Variants in GTSF1 observed in about 807,000 individuals in gnomAD.
GTSF1 encodes the protein gametocyte specific factor 1.
A neutral mutation model predicts 28.9 loss-of-function variants in GTSF1; 11 were observed. The observed-to-expected ratio is 0.38, with a 90% CI of 0.24 to 0.63. GTSF1 has a LOEUF of 0.63. Ranked by LOEUF, GTSF1 falls within the 30% of genes least tolerant of loss-of-function variation. GTSF1 has a pLI of 0.56. For missense variants in GTSF1, 146 were observed against 201.0 expected, an observed-to-expected ratio of 0.73 and a Z score of 1.66; for synonymous variants, 69 against 65.6, an observed-to-expected ratio of 1.05 and a Z score of -0.25.
At chr12:54,472,293 C>T (rs953579367) in intron 1 of GTSF1, 2 of 152,162 alleles carry the variant, frequency 1.3e-5, no homozygotes, top group Non-Finnish European at 2.9e-5. Context: ...AACATTGTCC[C>T]TTTTTCTAGT....
rs1956520453 is a variant in GTSF1, at chr12:54,466,814, A to G, written c.17-1647T>C. ...TTAAAAAAATTTTTTTGATTTAAAA[A>G]TCTTTTTTTTTTTTTTTTTTTGACA... On this transcript the variant is annotated intron_variant, in intron 2 of 8. Coordinates refer to ENST00000305879, the MANE Select transcript of GTSF1 (RefSeq NM_144594.3). The G allele has an allele frequency of 1.6e-4, 15 of 94,388 alleles. 1 individual carries two copies. Among genetic ancestry groups the G allele is most frequent in the Non-Finnish European group, 4.1e-5 (2 of 48,316 alleles). 5.8% of individuals were successfully genotyped at this position (94,388 alleles called of 1,614,324 possible). A position where few individuals can be genotyped will look rare whatever the true frequency, so the allele number is the denominator to read the frequency against.
intron 3 of GTSF1, 75 bp from the exon 4 acceptor site, chr12:54,463,372 T>A: frequency 7.1e-7 from 1 of 1,404,436 alleles, no homozygotes; most frequent in Non-Finnish European, 9.9e-7. Flanking sequence ...TAAGCCTTAT[T>A]CTACAAATGC....
At chr12:54,465,280 G>C in intron 2 of GTSF1, 113 bp from the exon 3 acceptor site, 1 of 547,920 alleles carries the variant, frequency 1.8e-6, no homozygotes, top group East Asian at 3.0e-5. Flanking sequence ...GAACAATATA[G>C]TCTAAAGAAA....
intron 2 of GTSF1, among the ~76,000 whole-genome samples, chr12:54,467,790 T>C (rs933367266): frequency 6.6e-6 from 1 of 152,124 alleles, no homozygotes; most frequent in Admixed American, 6.6e-5. Flanking sequence ...GTTTTTTTTT[T>C]TGAGATGGAG....
At chr12:54,464,030 T>A (rs1956468592) in intron 3 of GTSF1, among the ~76,000 whole-genome samples, 1 of 152,148 alleles carries the variant, frequency 6.6e-6, no homozygotes, top group South Asian at 2.1e-4. Flanking sequence ...AAAAAAGATA[T>A]GTCATAAATG....
chr12:54,473,595 C>T lies in GTSF1; in HGVS notation c.-79G>A, dbSNP rs1160950480. Reference sequence around the variant, plus strand: ...CAGTCACCTTCCTCCCACGCAAGCCCCAGCAACGGCCACTTCCGGCGCCTA... The same window carrying T: ...CAGTCACCTTCCTCCCACGCAAGCCTCAGCAACGGCCACTTCCGGCGCCTA... On this transcript the variant is annotated 5_prime_UTR_variant, in exon 1 of 9. Transcript: ENST00000305879. 1.3e-5 allele frequency: 2 copies of T among 152,282 alleles called. No homozygotes were observed. Among genetic ancestry groups the T allele is most frequent in the East Asian group, 1.9e-4 (1 of 5,186 alleles). The allele number at this position is 152,282 out of a possible 1,614,324, so 9.4% of individuals were successfully genotyped here.
intron 1 of GTSF1, 128 bp from the exon 2 acceptor site, chr12:54,471,405 A>C: frequency 2.1e-6 from 1 of 482,960 alleles, no homozygotes; most frequent in Non-Finnish European, 3.7e-6. Flanking sequence ...TACTCTCCCC[A>C]CTCCCCCCAA....
chr12:54,457,714 T>TCA (rs1956357065), intron 8 of GTSF1, among the ~76,000 whole-genome samples: 1 of 152,182 alleles, frequency 6.6e-6, no homozygotes, highest in Non-Finnish European at 1.5e-5. Context: ...TCTCAGCCTC[T>TCA]CAAGTAGCTG....
At chr12:54,470,643 G>A (rs749052325) in intron 2 of GTSF1, among the ~76,000 whole-genome samples, 5 of 152,218 alleles carry the variant, frequency 3.3e-5, no homozygotes, top group Admixed American at 6.5e-5. Context: ...AACAGAGCCT[G>A]TGGTGTCATG....
At position 54,459,078 on chromosome 12, in the gene GTSF1, G is replaced by A; in HGVS notation, c.*20+11C>T. ...TCTGAAGAGACAGTGAAATAAAACT[G>A]AAACACTTACTTGATGAGATAGGTA... is the stretch of plus-strand genomic sequence containing the variant. On this transcript the variant is annotated intron_variant, in intron 8 of 8. Coordinates refer to ENST00000305879, the MANE Select transcript of GTSF1 (RefSeq NM_144594.3). 11 of 1,584,946 alleles carry A rather than the reference G, an allele frequency of 6.9e-6. No individual in the cohort carries two copies. Among genetic ancestry groups the A allele is most frequent in the Non-Finnish European group, 9.5e-6 (11 of 1,160,464 alleles).
chr12:54,471,281 G>C lies in GTSF1; in HGVS notation c.-29-4C>G, dbSNP rs1300501642. The C allele has an allele frequency of 6.3e-7, 1 of 1,583,568 alleles. No individual in the cohort carries two copies. The highest frequency in any genetic ancestry group is 1.8e-5 in the Admixed American group (1 of 54,776). The stretch of plus-strand genomic sequence containing the variant: ...ATGAAGAAGCTGAATCCAAGTGCTG[G>C]AAAAAACAAAAGTGTGATTCAGGAA... On this transcript the variant is annotated splice_polypyrimidine_tract_variant and splice_region_variant and intron_variant, in intron 1 of 8. Transcript: ENST00000305879.
Position 54,464,918 on chromosome 12 carries a change from C to T in GTSF1, c.117+149G>A, listed in dbSNP as rs1956485881. The stretch of plus-strand genomic sequence containing the variant: ...ATTTATCCTAAGGAATGAACAAATG[C>T]CTTTCTATAAATGTTGGTATTTAAG... On this transcript the variant is annotated intron_variant, in intron 3 of 8. Coordinates refer to ENST00000305879, the MANE Select transcript of GTSF1 (RefSeq NM_144594.3). 1.4e-5 allele frequency: 7 copies of T among 508,828 alleles called. 1 individual carries two copies. In the South Asian group the frequency reaches 1.7e-4, roughly 12 times the overall value. 31.5% of individuals were successfully genotyped at this position (508,828 alleles called of 1,614,324 possible).
At chr12:54,462,284 A>G (rs1186706940) in intron 5 of GTSF1, 112 bp from the exon 6 acceptor site, 8 of 739,914 alleles carry the variant, frequency 1.1e-5, no homozygotes, top group Non-Finnish European at 1.9e-5. Context: ...TGCAGAAGCA[A>G]GTAAAAATTG....
chr12:54,466,207 A>G (rs948708722), intron 2 of GTSF1, among the ~76,000 whole-genome samples: 1 of 152,240 alleles, frequency 6.6e-6, no homozygotes, highest in African/African-American at 2.4e-5. Flanking sequence ...ACATTCTGGT[A>G]TATTATGAAG....
intron 5 of GTSF1, 91 bp downstream of exon 5, chr12:54,462,551 A>T: frequency 1.0e-6 from 1 of 993,818 alleles, no homozygotes; most frequent in South Asian, 1.4e-5. Flanking sequence ...ACAACATGGT[A>T]TGTTCATAAA....
At chr12:54,458,345 T>C (rs1390801272) in intron 8 of GTSF1, among the ~76,000 whole-genome samples, 1 of 152,192 alleles carries the variant, frequency 6.6e-6, no homozygotes, top group Non-Finnish European at 1.5e-5. Context: ...AGTGTAAAAC[T>C]CTTAGAAACC....
At chr12:54,459,426 C>T (rs1565657079) in intron 7 of GTSF1, 1 of 1,353,812 alleles carries the variant, frequency 7.4e-7, no homozygotes, top group Admixed American at 2.2e-5. Context: ...CAAACAGTAG[C>T]ACAGACTGAA....
chr12:54,461,242 C>T (rs1277745389), intron 6 of GTSF1, among the ~76,000 whole-genome samples: 1 of 152,026 alleles, frequency 6.6e-6, no homozygotes, highest in African/African-American at 2.4e-5. Flanking sequence ...TATAGGCATC[C>T]ACCACCATGC....
intron 6 of GTSF1, 74 bp from the exon 7 acceptor site, chr12:54,460,545 G>A (rs947906472): frequency 2.0e-6 from 2 of 988,902 alleles, no homozygotes; most frequent in Non-Finnish European, 3.1e-6. Flanking sequence ...TAATCAAAAT[G>A]TGTTTTTTGT....
Sources: gnomAD v4.1 joint callset for allele counts (sites outside exome capture counted in the v4.1 genomes callset) on GRCh38, gnomAD v4.1.1 for gene constraint, MANE v1.5 for transcripts, NCBI Gene and HGNC (gene_info 2026-07-23, HGNC 2026-07-21) for gene names.